Variants in NLRP5 observed in about 807,000 individuals in gnomAD.
The protein encoded by NLRP5 is NLR family pyrin domain containing 5.
Under a neutral mutation model 113.1 loss-of-function variants are expected in NLRP5, and 93 were observed. The ratio of observed to expected loss-of-function variants is 0.82; its 90% confidence interval spans 0.70 to 0.98. The LOEUF is 0.98. NLRP5 is among the 50% of genes least tolerant of loss of function. The pLI is 0.00. For synonymous variants in NLRP5, 751 were observed against 600.7 expected (o/e 1.25, Z -3.66); for missense variants, 1,808 against 1,514.3 (o/e 1.19, Z -3.22).
intron 7 of NLRP5, among the ~76,000 whole-genome samples, chr19:56,032,400 A>G (rs1983153526): frequency 6.6e-6 from 1 of 151,264 alleles, no homozygotes; most frequent in Admixed American, 6.6e-5. Flanking sequence ...TCATGCCTGC[A>G]TACCCCCTCG....
At chr19:56,058,572 G>A (rs1984243836) in intron 14 of NLRP5, among the ~76,000 whole-genome samples, 162 bp downstream of exon 14, 1 of 152,194 alleles carries the variant, frequency 6.6e-6, no homozygotes, top group African/African-American at 2.4e-5. Flanking sequence ...CATGCTGGAT[G>A]CTGGAGATAC....
Position 56,032,698 on chromosome 19 carries a change from G to A in NLRP5, c.2364G>A (p.Leu788=). The A allele has an allele frequency of 6.2e-7, 1 of 1,613,698 alleles. No homozygotes were observed. Among genetic ancestry groups the A allele is most frequent in the Non-Finnish European group, 8.5e-7 (1 of 1,179,850 alleles). ...ACCCACACCTGCGGCAGCTGGACCT[G>A]GGCAGCAGCATCCTGACAGAGCGGG... Residue 788 remains leucine (L), a synonymous_variant, in exon 8 of 15, where the codon CTG becomes CTA. Coordinates refer to ENST00000390649, the MANE Select transcript of NLRP5 (RefSeq NM_153447.4).
intron 3 of NLRP5, among the ~76,000 whole-genome samples, chr19:56,011,145 T>C (rs1982173205): frequency 7.1e-6 from 1 of 140,176 alleles, no homozygotes; most frequent in East Asian, 1.9e-4. Context: ...AAAATGAGAC[T>C]ATGTCTTTAA....
At chr19:56,056,759 G>GA (rs746412928) in intron 13 of NLRP5, among the ~76,000 whole-genome samples, 26 of 152,166 alleles carry the variant, frequency 1.7e-4, no homozygotes, top group Non-Finnish European at 3.2e-4. Flanking sequence ...GAAGCAAAAT[G>GA]AAAAATAAGC....
rs115262573 is a variant in NLRP5 at position 56,023,405 on chromosome 19, C to T, written c.679+2974C>T. The stretch of plus-strand genomic sequence containing the variant: ...CACGTCCCCTGATGTGGACGACAGA[C>T]GGCCCTCCGTTTCCCATGGGTTCTG... On this transcript the variant is annotated intron_variant, in intron 6 of 14. Coordinates refer to ENST00000390649, the MANE Select transcript of NLRP5 (RefSeq NM_153447.4). 4.3e-3 allele frequency among the ~76,000 whole-genome samples: 654 copies of T among 152,302 alleles called. 3 individuals carry two copies. Among genetic ancestry groups the T allele is most frequent in the African/African-American group, 0.014 (598 of 41,564 alleles).
intron 13 of NLRP5, among the ~76,000 whole-genome samples, chr19:56,055,527 C>CTCTTT: frequency 1.1e-5 from 1 of 89,600 alleles, no homozygotes; most frequent in Non-Finnish European, 2.5e-5. Flanking sequence ...TTCTATTTTT[C>CTCTTT]TTTCTCTGTC....
intron 4 of NLRP5, among the ~76,000 whole-genome samples, chr19:56,018,312 T>C (rs779544282): frequency 6.6e-6 from 1 of 152,218 alleles, no homozygotes; most frequent in Non-Finnish European, 1.5e-5. Context: ...ATGGCAAATC[T>C]ATTCTCATAT....
chr19:56,058,291 C>T lies in NLRP5; in HGVS notation c.3351C>T (p.Ala1117=). 2 of 1,613,910 alleles carry T rather than the reference C, an allele frequency of 1.2e-6. No individual in the cohort carries two copies. Among genetic ancestry groups the T allele is most frequent in the Non-Finnish European group, 1.7e-6 (2 of 1,179,846 alleles). ...ATTGCTGTGAGGCACTCTCCTTGGC[C>T]CTTTCCTGCAACCGGCATCTGACCA... The change falls in exon 14 of 15, where the codon GCC becomes GCT. Residue 1117 remains alanine, a synonymous_variant. Coordinates refer to ENST00000390649, the MANE Select transcript of NLRP5 (RefSeq NM_153447.4).
At chr19:56,024,511 A>G (rs1982754029) in intron 6 of NLRP5, among the ~76,000 whole-genome samples, 4 of 62,558 alleles carry the variant, frequency 6.4e-5, no homozygotes, top group Non-Finnish European at 1.3e-4. Flanking sequence ...GTATATGTAT[A>G]TGTGTATGTA....
rs1316108578 is a variant in NLRP5 at position 56,041,203 on chromosome 19, G to A, written c.2957+111G>A. On this transcript the variant is annotated intron_variant, in intron 11 of 14. Coordinates refer to ENST00000390649, the MANE Select transcript of NLRP5 (RefSeq NM_153447.4). ...GGGGTGTGGACATCATCACATGAAG[G>A]GACCTGGTATATGCTGAATTCTGTC... 3.7e-5 allele frequency: 37 copies of A among 1,006,564 alleles called. No individual in the cohort carries two copies. In the South Asian group the frequency reaches 3.8e-4, roughly 10 times the overall value. The allele number at this position is 1,006,564 out of a possible 1,614,324, so 62.4% of individuals were successfully genotyped here.
intron 11 of NLRP5, among the ~76,000 whole-genome samples, chr19:56,046,258 G>A (rs1234018107): frequency 6.6e-6 from 1 of 152,062 alleles, no homozygotes; most frequent in African/African-American, 2.4e-5. Flanking sequence ...CACATTTATT[G>A]ACTTGTACAT....
upstream of NLRP5, among the ~76,000 whole-genome samples, chr19:55,997,184 T>C (rs1043988111): frequency 6.6e-6 from 1 of 151,104 alleles, no homozygotes; most frequent in African/African-American, 2.5e-5. Flanking sequence ...GATGGGGTTG[T>C]TTGTTTTTTT....
chr19:56,052,893 C>T (rs185822089), intron 12 of NLRP5, among the ~76,000 whole-genome samples: 2 of 152,360 alleles, frequency 1.3e-5, no homozygotes, highest in East Asian at 3.9e-4. Context: ...AGAATCTTGA[C>T]CTCATCTCCA....
intron 12 of NLRP5, among the ~76,000 whole-genome samples, chr19:56,051,382 G>A (rs572525708): frequency 2.6e-5 from 4 of 152,156 alleles, no homozygotes; most frequent in Middle Eastern, 3.4e-3. Flanking sequence ...TAGTAGAGAC[G>A]GAGTTTCACC....
chr19:55,987,869 G>A, the NLRP5 span: 55 of 1,613,830 alleles, frequency 3.4e-5, no homozygotes, highest in Non-Finnish European at 4.2e-5. Context: ...TCACCCACCC[G>A]ACTTCACGGG....
chr19:55,988,522 CAA>C, the NLRP5 span: 14 of 146,434 alleles, frequency 9.6e-5, no homozygotes, highest in Admixed American at 5.5e-4. Context: ...AGGATATAGA[CAA>C]AGTCTTCATC....
chr19:56,027,982 C>A lies in NLRP5; in HGVS notation c.1749C>A (p.Phe583Leu), dbSNP rs1232385061. The change falls in exon 7 of 15, where the codon TTC (phenylalanine) becomes TTA (leucine). Residue 583 changes from phenylalanine (F) to leucine (L), a missense_variant. By Grantham distance (22) the Phe-to-Leu change is conservative (BLOSUM62 0). Transcript: ENST00000390649. ...ACTGTGAGGAGTACTACACCTTCTT[C>A]CACCTCAGTCTCCAGGACTTCTGTG... The A allele has an allele frequency of 2.5e-6, 4 of 1,613,890 alleles. No individual in the cohort carries two copies. The highest frequency in any genetic ancestry group is 2.5e-6 in the Non-Finnish European group (3 of 1,179,884).
intron 8 of NLRP5, 21 bp downstream of exon 8, chr19:56,032,802 C>A: frequency 6.3e-7 from 1 of 1,585,826 alleles, no homozygotes; most frequent in South Asian, 1.1e-5. Flanking sequence ...CCGCCCCCTA[C>A]GAGAGAATCC....
chr19:55,998,063 C>T (rs1031919621), upstream of NLRP5, among the ~76,000 whole-genome samples: 3 of 152,128 alleles, frequency 2.0e-5, no homozygotes, highest in Non-Finnish European at 4.4e-5. Context: ...TACACACACA[C>T]AGAAAACATC....
Sources: allele counts gnomAD v4.1 joint callset (sites outside exome capture counted in the v4.1 genomes callset), GRCh38; gene constraint gnomAD v4.1.1; transcripts MANE v1.5; gene names NCBI Gene and HGNC (gene_info 2026-07-23, HGNC 2026-07-21).